The following AIG1 variants were observed in gnomAD, a reference collection of about 807,000 sequenced individuals.
The protein encoded by AIG1 is androgen-induced gene 1 protein.
Under a neutral mutation model 31.4 loss-of-function variants are expected in AIG1, and 23 were observed. The observed-to-expected ratio is 0.73, with a 90% CI of 0.53 to 1.04. The LOEUF (loss-of-function observed/expected upper bound fraction) is 1.04, where lower values mean the gene tolerates loss of function less well. AIG1 is among the 50% of genes least tolerant of loss of function. AIG1 has a pLI of 0.00. For missense variants in AIG1, 274 were observed against 295.0 expected, an observed-to-expected ratio of 0.93 and a Z score of 0.52; for synonymous variants, 100 against 110.5, an observed-to-expected ratio of 0.90 and a Z score of 0.60.
rs141274066 is a variant in AIG1, at chr6:143,156,582, C to G, written c.298-8500C>G. 4.4e-3 allele frequency among the ~76,000 whole-genome samples: 667 copies of G among 152,310 alleles called. 5 individuals are homozygous for G. Among genetic ancestry groups the G allele is most frequent in the Non-Finnish European group, 6.5e-3 (445 of 68,028 alleles). On this transcript the variant is annotated intron_variant, in intron 2 of 5. Coordinates refer to ENST00000357847, the MANE Select transcript of AIG1 (RefSeq NM_016108.4). ...CATGCTTCAGTATATCTGTCTGTTG[C>G]ACTTCTACGTGAATGGTGTTGTCTT... is the stretch of plus-strand genomic sequence containing the variant.
chr6:143,098,038 G>A (rs1007114351), intron 1 of AIG1, among the ~76,000 whole-genome samples: 85 of 152,226 alleles, frequency 5.6e-4, no homozygotes, highest in African/African-American at 2.0e-3. Flanking sequence ...CACAAACATA[G>A]TGTGCTATCA....
intron 1 of AIG1, among the ~76,000 whole-genome samples, chr6:143,074,560 T>C (rs952774217): frequency 6.6e-6 from 1 of 152,244 alleles, no homozygotes; most frequent in Non-Finnish European, 1.5e-5. Context: ...ACTATATATC[T>C]TTGAATTCAT....
chr6:143,273,482 C>G (rs1447590673), intron 3 of AIG1, among the ~76,000 whole-genome samples: 1 of 152,028 alleles, frequency 6.6e-6, no homozygotes, highest in African/African-American at 2.4e-5. Context: ...TCTGCTGTGT[C>G]CCCCATTGCT....
chr6:143,110,639 A>G (rs1429711291), intron 1 of AIG1, among the ~76,000 whole-genome samples: 1 of 152,160 alleles, frequency 6.6e-6, no homozygotes, highest in Non-Finnish European at 1.5e-5. Flanking sequence ...TAGAGGAACT[A>G]TTTTGAAGCT....
In AIG1 at chr6:143,340,651, A is replaced by G. The variant is rs1258986985; in HGVS notation, c.*975A>G. On this transcript the variant is annotated 3_prime_UTR_variant, in exon 6 of 6. Transcript: ENST00000357847. The stretch of plus-strand genomic sequence containing the variant: ...CTTATTTTTTGTATTTTTAGTAGAG[A>G]CGGGGTTTCACCTTGTTAGCCAGGA... 6.6e-6 allele frequency among the ~76,000 whole-genome samples: 1 copy of G among 151,812 alleles called. No homozygotes were observed. The highest frequency in any genetic ancestry group is 1.5e-5 in the Non-Finnish European group (1 of 67,962).
At position 143,330,518 on chromosome 6, in the gene AIG1, G is replaced by A. The variant is rs530858405; in HGVS notation, c.516-2764G>A. Among the ~76,000 whole-genome samples, 10 of 152,098 alleles carry A rather than the reference G, an allele frequency of 6.6e-5. No individual in the cohort carries two copies. In the South Asian group the frequency reaches 1.2e-3, roughly 19 times the overall value. On this transcript the variant is annotated intron_variant, in intron 4 of 5. Transcript: ENST00000357847. This position sits in a 1 kb window ranked among gnomAD's most constrained non-coding sequence, Gnocchi z 4.4. The stretch of plus-strand genomic sequence containing the variant: ...CAAGGAGTTGATGGGCTGGAGTGGC[G>A]GGGAACGATGGGGAGAATAACAGGA...
At chr6:143,194,337 T>C (rs984358653) in intron 3 of AIG1, among the ~76,000 whole-genome samples, 3 of 152,108 alleles carry the variant, frequency 2.0e-5, no homozygotes, top group Non-Finnish European at 4.4e-5. Flanking sequence ...ATCACGAGAA[T>C]AGCATGGGGC....
intron 3 of AIG1, among the ~76,000 whole-genome samples, chr6:143,266,224 G>C (rs940127326): frequency 1.3e-5 from 2 of 151,420 alleles, no homozygotes; most frequent in Non-Finnish European, 2.9e-5. Flanking sequence ...GCGAGCGCCT[G>C]TAATCCCAGC....
chr6:143,102,210 A>T (rs1054271847), intron 1 of AIG1, among the ~76,000 whole-genome samples: 10 of 151,890 alleles, frequency 6.6e-5, no homozygotes, highest in African/African-American at 2.4e-4. Flanking sequence ...CTTTGTTTAC[A>T]TTTGAACACA....
chr6:143,204,337 G>A lies in AIG1; in HGVS notation c.399+39154G>A, dbSNP rs1790938719. Among the ~76,000 whole-genome samples, 4 of 152,236 alleles carry A rather than the reference G, an allele frequency of 2.6e-5. No homozygotes were observed. The South Asian group carries it at 8.3e-4, about 32-fold the overall frequency. ...ATGGCTGGAAGTCTGTGCTCAGCTA[G>A]AACTGTTGACCAGAGTGCCTACATG... is the stretch of plus-strand genomic sequence containing the variant. On this transcript the variant is annotated intron_variant, in intron 3 of 5. Transcript: ENST00000357847.
chr6:143,224,717 C>G (rs1355428578), intron 3 of AIG1, among the ~76,000 whole-genome samples: 1 of 151,982 alleles, frequency 6.6e-6, no homozygotes, highest in South Asian at 2.1e-4. Flanking sequence ...TTCCCTTTCC[C>G]TTCCTTCCTG....
downstream of AIG1, among the ~76,000 whole-genome samples, chr6:143,341,487 T>C (rs1372003972): frequency 6.6e-6 from 1 of 152,130 alleles, no homozygotes; most frequent in East Asian, 1.9e-4. Context: ...AATGAGGCCA[T>C]TAAAATGGGC....
intron 1 of AIG1, among the ~76,000 whole-genome samples, chr6:143,070,298 C>T (rs950774560): frequency 6.6e-6 from 1 of 152,056 alleles, no homozygotes; most frequent in Non-Finnish European, 1.5e-5. Flanking sequence ...CTTTTCCAAC[C>T]CATGAACATG....
Position 143,327,417 on chromosome 6 carries a change from A to G in AIG1, c.516-5865A>G, listed in dbSNP as rs76347294. 1,970 of 352,636 alleles carry G rather than the reference A, an allele frequency of 5.6e-3. 36 individuals are homozygous for G. The highest frequency in any genetic ancestry group is 0.036 in the African/African-American group (1,667 of 45,870). 21.8% of individuals were successfully genotyped at this position (352,636 alleles called of 1,614,324 possible). On this transcript the variant is annotated intron_variant, in intron 4 of 5. Transcript: ENST00000357847. The surrounding 1 kb of genome is among the most constrained non-coding windows in gnomAD (Gnocchi z 5.3). ...AAGAAGTCTGCCCCTTGGGCACTCA[A>G]AGAGATCTGGAAATTTGCCACGAAG... is the stretch of plus-strand genomic sequence containing the variant.
chr6:143,199,287 G>A (rs28525292), intron 3 of AIG1, among the ~76,000 whole-genome samples: 1,896 of 152,152 alleles, frequency 0.012, 32 homozygotes, highest in East Asian at 0.064. Context: ...ACCTCATCTG[G>A]TAGAGACATT....
chr6:143,140,186 G>A (rs1784128319), intron 2 of AIG1, among the ~76,000 whole-genome samples: 1 of 152,044 alleles, frequency 6.6e-6, no homozygotes, highest in South Asian at 2.1e-4. Flanking sequence ...TCACTATCAC[G>A]AGAACAGCAT....
At chr6:143,182,883 A>G (rs993563195) in intron 3 of AIG1, among the ~76,000 whole-genome samples, 2 of 152,196 alleles carry the variant, frequency 1.3e-5, no homozygotes, top group South Asian at 4.1e-4. Flanking sequence ...TCCCCTTCAT[A>G]ATAGTTGACA....
chr6:143,308,670 G>C (rs4896639), intron 4 of AIG1, among the ~76,000 whole-genome samples: 20,278 of 152,090 alleles, frequency 0.13, 1,588 homozygotes, highest in East Asian at 0.36. Context: ...ACATTGTTCT[G>C]GTATTCAGTC....
rs544520713 is a variant in AIG1, at chr6:143,292,996, G to A, written c.515+8771G>A. Among the ~76,000 whole-genome samples, 18 of 152,178 alleles carry A rather than the reference G, an allele frequency of 1.2e-4. No homozygotes were observed. The highest frequency in any genetic ancestry group is 4.3e-4 in the African/African-American group (18 of 41,512). On this transcript the variant is annotated intron_variant, in intron 4 of 5. Transcript: ENST00000357847. This position sits in a 1 kb window ranked among gnomAD's most constrained non-coding sequence, Gnocchi z 4.9. ...TCCTTGTTTAGTTCCCGTCTTCCTC[G>A]GGTCTTTGAGCAAATTACTTATCCT... is the stretch of plus-strand genomic sequence containing the variant.
Sources: allele counts gnomAD v4.1 joint callset (sites outside exome capture counted in the v4.1 genomes callset), GRCh38; gene constraint gnomAD v4.1.1; non-coding constraint Gnocchi (gnomAD v3.1); transcripts MANE v1.5; gene names NCBI Gene and HGNC (gene_info 2026-07-23, HGNC 2026-07-21).